Variants in ZNF662 observed in about 807,000 individuals in gnomAD.
ZNF662 encodes zinc finger protein 662.
Under a neutral mutation model 12.4 loss-of-function variants are expected in ZNF662, and 14 were observed. That is an observed-to-expected ratio of 1.13 (90% CI 0.75 to 1.77). The LOEUF (loss-of-function observed/expected upper bound fraction) is 1.77, where lower values mean the gene tolerates loss of function less well. Ranked by LOEUF, ZNF662 falls within the 40% of genes most tolerant of loss-of-function variation. ZNF662 has a pLI of 0.00. For synonymous variants in ZNF662, 184 were observed against 176.4 expected, an observed-to-expected ratio of 1.04 and a Z score of -0.34; for missense variants, 550 against 515.6, an observed-to-expected ratio of 1.07 and a Z score of -0.65.
Position 42,908,900 on chromosome 3 carries a change from A to G in ZNF662, c.142A>G (p.Ile48Val), listed in dbSNP as rs746441508. The change falls in exon 3 of 5, where the codon ATC becomes GTC. Residue 48 changes from isoleucine (I) to valine (V), a missense_variant. By Grantham distance (29) the Ile-to-Val change is conservative. Coordinates refer to ENST00000440367, the MANE Select transcript of ZNF662 (RefSeq NM_207404.4). ...GALDGEAPRG[I>V]SSGYPFLKPA... ...TCTGGATGGAGAGGCCCCAAGGGGC[A>G]TCTCCTCAGGTGAGTGAGGGCACAC... 5 of 1,612,086 alleles carry G rather than the reference A, an allele frequency of 3.1e-6. No individual in the cohort carries two copies. The South Asian group carries it at 4.4e-5, about 14-fold the overall frequency.
intron 3 of ZNF662, among the ~76,000 whole-genome samples, chr3:42,912,660 A>ATT (rs2088829100): frequency 3.1e-5 from 2 of 64,580 alleles, no homozygotes; most frequent in Non-Finnish European, 5.9e-5. Flanking sequence ...ATAAATATAT[A>ATT]TATATATTTT....
Position 42,916,096 on chromosome 3 carries a change from G to A in ZNF662, c.*742G>A, listed in dbSNP as rs2088894765. The A allele has an allele frequency of 1.3e-5, 2 of 152,128 alleles. No individual in the cohort carries two copies. The highest frequency in any genetic ancestry group is 6.5e-5 in the Admixed American group (1 of 15,268). 9.4% of individuals were successfully genotyped at this position (152,128 alleles called of 1,614,324 possible). A position where few individuals can be genotyped will look rare whatever the true frequency, so the allele number is the denominator to read the frequency against. ...TTGAAATAGTTGAAAAGGGTGTTCA[G>A]TGAAAAGTAAATTTCCTTGTCATTC... On this transcript the variant is annotated 3_prime_UTR_variant, in exon 5 of 5. Coordinates refer to ENST00000440367, the MANE Select transcript of ZNF662 (RefSeq NM_207404.4).
At position 42,914,318 on chromosome 3, in the gene ZNF662, T is replaced by C. The variant is rs1559382147; in HGVS notation, c.254-9T>C. Reference sequence around the variant, plus strand: ...TGATGACATTTGAAGCTCCAATTTCTTTTTTCAGAGGGTGTGTTGAAGAGG... The same window carrying C: ...TGATGACATTTGAAGCTCCAATTTCCTTTTTCAGAGGGTGTGTTGAAGAGG... On this transcript the variant is annotated splice_polypyrimidine_tract_variant and intron_variant, in intron 4 of 4. Coordinates refer to ENST00000440367, the MANE Select transcript of ZNF662 (RefSeq NM_207404.4). 2 of 1,576,296 alleles carry C rather than the reference T, an allele frequency of 1.3e-6. No homozygotes were observed. Among genetic ancestry groups the C allele is most frequent in the Non-Finnish European group, 8.6e-7 (1 of 1,166,106 alleles).
At position 42,907,864 on chromosome 3, in the gene ZNF662, A is replaced by G. The variant is rs149271715; in HGVS notation, c.-93-158A>G. The G allele has an allele frequency of 1.0e-5, 10 of 985,322 alleles. No individual in the cohort carries two copies. The African/African-American group carries it at 1.2e-4, about 12-fold the overall frequency. The allele number at this position is 985,322 out of a possible 1,614,324, so 61.0% of individuals were successfully genotyped here. A position where few individuals can be genotyped will look rare whatever the true frequency, so the allele number is the denominator to read the frequency against. ...TGGCTGATGCCTTGTCTCTTTGTAC[A>G]TAGGAGGCAAAAATCTTCTGCTGAT... is the stretch of plus-strand genomic sequence containing the variant. On this transcript the variant is annotated intron_variant, in intron 1 of 4. Coordinates refer to ENST00000440367, the MANE Select transcript of ZNF662 (RefSeq NM_207404.4).
chr3:42,906,211 G>C lies in ZNF662; in HGVS notation c.-94+43G>C. 3 of 690,358 alleles carry C rather than the reference G, an allele frequency of 4.3e-6. No individual in the cohort carries two copies. Among genetic ancestry groups the C allele is most frequent in the South Asian group, 2.0e-5 (1 of 49,122 alleles). 42.8% of individuals were successfully genotyped at this position (690,358 alleles called of 1,614,324 possible). The stretch of plus-strand genomic sequence containing the variant: ...TCGGGCGTGGGGCGGGCAGGGAGTG[G>C]AGTCGGGGTCTTACTCCGGTGGCTG... On this transcript the variant is annotated intron_variant, in intron 1 of 4. Coordinates refer to ENST00000440367, the MANE Select transcript of ZNF662 (RefSeq NM_207404.4). This position sits in a 1 kb window ranked among gnomAD's most constrained non-coding sequence, Gnocchi z 4.4.
In ZNF662 at chr3:42,918,764, C is replaced by T. The variant is rs2088921003; in HGVS notation, c.*3410C>T. 6.6e-6 allele frequency among the ~76,000 whole-genome samples: 1 copy of T among 152,104 alleles called. No individual in the cohort carries two copies. Among genetic ancestry groups the T allele is most frequent in the African/African-American group, 2.4e-5 (1 of 41,430 alleles). On this transcript the variant is annotated 3_prime_UTR_variant, in exon 5 of 5. Coordinates refer to ENST00000440367, the MANE Select transcript of ZNF662 (RefSeq NM_207404.4). ...TCTAAGGGTCCCTGGTAAAAGGTGG[C>T]CATCATTTGAGGTTCCAATTGCATG...
At chr3:42,914,029 C>T (rs764911654) in intron 4 of ZNF662, among the ~76,000 whole-genome samples, 1 of 151,634 alleles carries the variant, frequency 6.6e-6, no homozygotes, top group Non-Finnish European at 1.5e-5. Context: ...TACTCAGCTA[C>T]CTAGGAGGAA....
rs1475211846 is a variant in ZNF662 at position 42,917,495 on chromosome 3, A to G, written c.*2141A>G. 1 of 702,680 alleles carries G rather than the reference A, an allele frequency of 1.4e-6. No individual in the cohort carries two copies. Among genetic ancestry groups the G allele is most frequent in the Admixed American group, 2.0e-5 (1 of 49,932 alleles). The allele number at this position is 702,680 out of a possible 1,614,324, so 43.5% of individuals were successfully genotyped here. On this transcript the variant is annotated 3_prime_UTR_variant, in exon 5 of 5. Transcript: ENST00000440367. ...GTGCTACCATATGGAGCCTAAGGATAAAGCCAATACCAAAGAAAACAGTGA... is the reference window on the plus strand; with the variant it reads ...GTGCTACCATATGGAGCCTAAGGATGAAGCCAATACCAAAGAAAACAGTGA...
Position 42,906,428 on chromosome 3 carries a change from C to G in ZNF662, c.-94+260C>G. ...CTGCTCCCGGGACAGCCCGCGCTGC[C>G]CCGGGCGCGCCGGGTGAGTGCGGGG... On this transcript the variant is annotated intron_variant, in intron 1 of 4. Transcript: ENST00000440367. The surrounding 1 kb of genome is among the most constrained non-coding windows in gnomAD (Gnocchi z 4.4). 2 of 1,471,316 alleles carry G rather than the reference C, an allele frequency of 1.4e-6. No individual in the cohort carries two copies. Among genetic ancestry groups the G allele is most frequent in the Non-Finnish European group, 1.8e-6 (2 of 1,116,196 alleles). The allele number at this position is 1,471,316 out of a possible 1,614,324, so 91.1% of individuals were successfully genotyped here. A position where few individuals can be genotyped will look rare whatever the true frequency, so the allele number is the denominator to read the frequency against.
chr3:42,907,961 C>T, intron 1 of ZNF662, 61 bp from the exon 2 acceptor site: 1 of 1,593,392 alleles, frequency 6.3e-7, no homozygotes, highest in Non-Finnish European at 8.6e-7. Flanking sequence ...TGCCCTGTCT[C>T]CCCTTCCTCT....
chr3:42,913,174 G>T (rs564639936), intron 3 of ZNF662, 27 bp from the exon 4 acceptor site: 1 of 1,562,864 alleles, frequency 6.4e-7, no homozygotes, highest in Non-Finnish European at 8.8e-7. Flanking sequence ...GACTGAGTCA[G>T]CCTTATTTGT....
chr3:42,910,717 C>T (rs2088774482), intron 3 of ZNF662, among the ~76,000 whole-genome samples: 1 of 152,152 alleles, frequency 6.6e-6, no homozygotes, highest in African/African-American at 2.4e-5. Flanking sequence ...ACTGTGTTTC[C>T]TGGTTGCCTC....
chr3:42,913,190 G>A lies in ZNF662; in HGVS notation c.152-11G>A. On this transcript the variant is annotated splice_polypyrimidine_tract_variant and intron_variant, in intron 3 of 4. Transcript: ENST00000440367. The stretch of plus-strand genomic sequence containing the variant: ...ACTGAGTCAGCCTTATTTGTATCTT[G>A]ACCCTGGCAGGATATCCATTTCTAA... The A allele has an allele frequency of 6.2e-7, 1 of 1,608,318 alleles. No homozygotes were observed. Among genetic ancestry groups the A allele is most frequent in the Non-Finnish European group, 8.5e-7 (1 of 1,175,128 alleles).
rs1380850110 is a variant in ZNF662 at position 42,917,620 on chromosome 3, C to G, written c.*2266C>G. On this transcript the variant is annotated 3_prime_UTR_variant, in exon 5 of 5. Transcript: ENST00000440367. The stretch of plus-strand genomic sequence containing the variant: ...CCTCAGAACTTTTCAGCTATGTGAG[C>G]CAATAAACATCTGTCAAACGAGTTA... The G allele has an allele frequency of 5.8e-6, 4 of 688,014 alleles. No individual in the cohort carries two copies. The highest frequency in any genetic ancestry group is 2.2e-5 in the Admixed American group (1 of 45,460). The allele number at this position is 688,014 out of a possible 1,614,324, so 42.6% of individuals were successfully genotyped here. A position where few individuals can be genotyped will look rare whatever the true frequency, so the allele number is the denominator to read the frequency against.
intron 4 of ZNF662, 32 bp downstream of exon 4, chr3:42,913,334 C>T (rs1559381888): frequency 6.6e-7 from 1 of 1,520,432 alleles, no homozygotes; most frequent in Non-Finnish European, 9.1e-7. Flanking sequence ...ATTCTTCTCT[C>T]AGTCACATCT....
In ZNF662 at chr3:42,918,597, G is replaced by T. The variant is rs1448455507; in HGVS notation, c.*3243G>T. Among the ~76,000 whole-genome samples the T allele has an allele frequency of 1.3e-5, 2 of 151,940 alleles. No homozygotes were observed. The highest frequency in any genetic ancestry group is 2.9e-5 in the Non-Finnish European group (2 of 68,020). On this transcript the variant is annotated 3_prime_UTR_variant, in exon 5 of 5. Transcript: ENST00000440367. ...CCTGGGCAGCATTTGGCTGTCTCCT[G>T]ATTCTATCATTCCCCCCTCTAAAGA...
At chr3:42,908,671 G>T (rs745608637) in intron 2 of ZNF662, 122 bp from the exon 3 acceptor site, 320 of 1,464,256 alleles carry the variant, frequency 2.2e-4, no homozygotes, top group Non-Finnish European at 2.7e-4. Flanking sequence ...TCCTTTTCTT[G>T]TTCTTCCTAG....
intron 3 of ZNF662, 138 bp from the exon 4 acceptor site, chr3:42,913,063 A>G: frequency 1.6e-6 from 1 of 640,434 alleles, no homozygotes; most frequent in Non-Finnish European, 2.8e-6. Context: ...ATTCTGTACC[A>G]TCAAATTTCT....
In ZNF662 at chr3:42,917,318, T is replaced by TA. The variant is rs2088904971; in HGVS notation, c.*1965dup. ...ACAGAGCCATTGTGATATGAGGAGA[T>TA]ACTGGCTCTTCTGGAAAAGAGAGGC... On this transcript the variant is annotated 3_prime_UTR_variant, in exon 5 of 5. Coordinates refer to ENST00000440367, the MANE Select transcript of ZNF662 (RefSeq NM_207404.4). The TA allele has an allele frequency of 1.7e-6, 1 of 597,582 alleles. No individual in the cohort carries two copies. Among genetic ancestry groups the TA allele is most frequent in the African/African-American group, 1.9e-5 (1 of 53,628 alleles). 37.0% of individuals were successfully genotyped at this position (597,582 alleles called of 1,614,324 possible).
Sources: gnomAD v4.1 joint callset for allele counts (sites outside exome capture counted in the v4.1 genomes callset) on GRCh38, gnomAD v4.1.1 for gene constraint, Gnocchi (gnomAD v3.1) non-coding constraint, MANE v1.5 for transcripts, NCBI Gene and HGNC (gene_info 2026-07-23, HGNC 2026-07-21) for gene names.